Variants in OSBPL3 observed in about 807,000 individuals in gnomAD.
OSBPL3 encodes oxysterol binding protein like 3.
Under a neutral mutation model 120.1 loss-of-function variants are expected in OSBPL3, and 65 were observed. The observed-to-expected ratio is 0.54, with a 90% CI of 0.44 to 0.67. The LOEUF (loss-of-function observed/expected upper bound fraction) is 0.67. Ranked by LOEUF, OSBPL3 falls within the 30% of genes least tolerant of loss-of-function variation. OSBPL3 has a pLI of 0.00. For missense variants in OSBPL3, 1,004 were observed against 1,082.1 expected, an observed-to-expected ratio of 0.93 and a Z score of 1.01; for synonymous variants, 416 against 402.6, an observed-to-expected ratio of 1.03 and a Z score of -0.40.
In OSBPL3 at chr7:24,972,277, C is replaced by G. The variant is rs1817111714; in HGVS notation, c.-150+7609G>C. ...CTCCCACTCAGTTCTACATGGCCTCCAGCAATGGCAGAAAGACACAAAAGG... is the reference window on the plus strand; with the variant it reads ...CTCCCACTCAGTTCTACATGGCCTCGAGCAATGGCAGAAAGACACAAAAGG... On this transcript the variant is annotated intron_variant, in intron 1 of 22. Transcript: ENST00000313367. The surrounding 1 kb of genome is among the most constrained non-coding windows in gnomAD (Gnocchi z 4.3). Among the ~76,000 whole-genome samples, 1 of 152,210 alleles carries G rather than the reference C, an allele frequency of 6.6e-6. No homozygotes were observed. The highest frequency in any genetic ancestry group is 1.5e-5 in the Non-Finnish European group (1 of 68,042).
intron 1 of OSBPL3, among the ~76,000 whole-genome samples, chr7:24,943,274 C>T (rs1006998147): frequency 3.9e-5 from 6 of 152,180 alleles, no homozygotes; most frequent in Non-Finnish European, 8.8e-5. Flanking sequence ...GACCCTCTCA[C>T]TCCCCAATAC....
In OSBPL3 at chr7:24,964,716, A is replaced by G. The variant is rs1816181850; in HGVS notation, c.-150+15170T>C. The stretch of plus-strand genomic sequence containing the variant: ...TTTTAGTTATTAATACTGCAACAGT[A>G]CTGGTCTATTAATTGTGACAAAAGT... On this transcript the variant is annotated intron_variant, in intron 1 of 22. Coordinates refer to ENST00000313367, the MANE Select transcript of OSBPL3 (RefSeq NM_015550.4). This position sits in a 1 kb window ranked among gnomAD's most constrained non-coding sequence, Gnocchi z 4.2. Among the ~76,000 whole-genome samples, 1 of 152,368 alleles carries G rather than the reference A, an allele frequency of 6.6e-6. No homozygotes were observed. Among genetic ancestry groups the G allele is most frequent in the Non-Finnish European group, 1.5e-5 (1 of 68,034 alleles).
chr7:24,862,737 A>C lies in OSBPL3; in HGVS notation c.870+463T>G, dbSNP rs1205684028. On this transcript the variant is annotated intron_variant, in intron 9 of 22. Coordinates refer to ENST00000313367, the MANE Select transcript of OSBPL3 (RefSeq NM_015550.4). This position sits in a 1 kb window ranked among gnomAD's most constrained non-coding sequence, Gnocchi z 4.4. Reference sequence around the variant, plus strand: ...ATGAGGGATTGGGAGTTTGGAGATAAGAGGCCAAGGAGAATCTACACCATG... The same window carrying C: ...ATGAGGGATTGGGAGTTTGGAGATACGAGGCCAAGGAGAATCTACACCATG... Among the ~76,000 whole-genome samples, 4 of 150,958 alleles carry C rather than the reference A, an allele frequency of 2.6e-5. No homozygotes were observed. Among genetic ancestry groups the C allele is most frequent in the African/African-American group, 9.8e-5 (4 of 41,000 alleles).
At position 24,903,311 on chromosome 7, in the gene OSBPL3, A is replaced by T. The variant is rs534296492; in HGVS notation, c.-149-10690T>A. ...CAAATAATAGCCTCTAGCTCACAGA[A>T]TCAGAAAGCCACATATCAAAGATAC... is the stretch of plus-strand genomic sequence containing the variant. On this transcript the variant is annotated intron_variant, in intron 1 of 22. Coordinates refer to ENST00000313367, the MANE Select transcript of OSBPL3 (RefSeq NM_015550.4). Among the ~76,000 whole-genome samples, 2 of 152,230 alleles carry T rather than the reference A, an allele frequency of 1.3e-5. 1 individual carries two copies. Among genetic ancestry groups the T allele is most frequent in the Admixed American group, 1.3e-4 (2 of 15,286 alleles).
At chr7:24,923,113 C>T (rs1345113752) in intron 1 of OSBPL3, among the ~76,000 whole-genome samples, 1 of 152,200 alleles carries the variant, frequency 6.6e-6, no homozygotes, top group African/African-American at 2.4e-5. Context: ...CAAATCTAAT[C>T]CTAGAAGATA....
At position 24,842,269 on chromosome 7, in the gene OSBPL3, T is replaced by C. The variant is rs760466366; in HGVS notation, c.1401+10A>G. On this transcript the variant is annotated intron_variant, in intron 13 of 22. Coordinates refer to ENST00000313367, the MANE Select transcript of OSBPL3 (RefSeq NM_015550.4). ...TTTTTGAGGCACCATACTGTAAACA[T>C]TGCTCAAACCTCGTTTTCTGAAGAG... 4 of 1,612,116 alleles carry C rather than the reference T, an allele frequency of 2.5e-6. No individual in the cohort carries two copies. The highest frequency in any genetic ancestry group is 3.3e-5 in the Admixed American group (2 of 59,702).
chr7:24,802,648 T>C lies in OSBPL3; in HGVS notation c.2567+1667A>G, dbSNP rs1487700526. 6.6e-6 allele frequency among the ~76,000 whole-genome samples: 1 copy of C among 152,224 alleles called. No homozygotes were observed. The highest frequency in any genetic ancestry group is 1.5e-5 in the Non-Finnish European group (1 of 68,030). ...GTTGGATCGAGTTGGTGAATCTCCT[T>C]AACTAGTCCTTGAGACAGTTTGGTT... On this transcript the variant is annotated intron_variant, in intron 22 of 22. Transcript: ENST00000313367. The surrounding 1 kb of genome is among the most constrained non-coding windows in gnomAD (Gnocchi z 4.1).
In OSBPL3 at chr7:24,940,623, G is replaced by A. The variant is rs1812969668; in HGVS notation, c.-150+39263C>T. On this transcript the variant is annotated intron_variant, in intron 1 of 22. Transcript: ENST00000313367. This position sits in a 1 kb window ranked among gnomAD's most constrained non-coding sequence, Gnocchi z 4.4. ...GCACCAGTGTTTGGCCACTGGAGCG[G>A]GCGGCTGAGGTGGTATGGGAGGTAC... Among the ~76,000 whole-genome samples, 2 of 152,040 alleles carry A rather than the reference G, an allele frequency of 1.3e-5. No homozygotes were observed. Among genetic ancestry groups the A allele is most frequent in the South Asian group, 4.2e-4 (2 of 4,812 alleles).
intron 2 of OSBPL3, among the ~76,000 whole-genome samples, chr7:24,884,324 G>A (rs1332633939): frequency 6.6e-6 from 1 of 152,158 alleles, no homozygotes; most frequent in African/African-American, 2.4e-5. Context: ...TATTAGCCAT[G>A]GGACTCCAAA....
intron 1 of OSBPL3, among the ~76,000 whole-genome samples, chr7:24,920,961 T>C (rs970282960): frequency 4.6e-5 from 7 of 152,180 alleles, no homozygotes; most frequent in Non-Finnish European, 1.0e-4. Flanking sequence ...GACAATTATA[T>C]CCAGTAATGA....
rs1431354048 is a variant in OSBPL3, at chr7:24,867,139, T to C, written c.382-902A>G. ...TAAGAAAACAGAACAGTGCCAATTA[T>C]ATTAAGCAACAAATAAACTGAAATT... On this transcript the variant is annotated intron_variant, in intron 5 of 22. Coordinates refer to ENST00000313367, the MANE Select transcript of OSBPL3 (RefSeq NM_015550.4). This position sits in a 1 kb window ranked among gnomAD's most constrained non-coding sequence, Gnocchi z 4.5. Among the ~76,000 whole-genome samples the C allele has an allele frequency of 1.3e-5, 2 of 152,230 alleles. No individual in the cohort carries two copies. The highest frequency in any genetic ancestry group is 2.1e-4 in the South Asian group (1 of 4,834).
In OSBPL3 at chr7:24,824,676, G is replaced by C. The variant is rs536720045; in HGVS notation, c.1885-4438C>G. 2.0e-5 allele frequency among the ~76,000 whole-genome samples: 3 copies of C among 152,336 alleles called. No homozygotes were observed. In the South Asian group the frequency reaches 6.2e-4, roughly 32 times the overall value. ...CACCAAGGGTAAAAATTCTTACCCT[G>C]ATGGAATTTATATTTTAGTATGGAA... On this transcript the variant is annotated intron_variant, in intron 16 of 22. Coordinates refer to ENST00000313367, the MANE Select transcript of OSBPL3 (RefSeq NM_015550.4). This position sits in a 1 kb window ranked among gnomAD's most constrained non-coding sequence, Gnocchi z 4.9.
In OSBPL3 at chr7:24,947,646, T is replaced by C. The variant is rs915172366; in HGVS notation, c.-150+32240A>G. On this transcript the variant is annotated intron_variant, in intron 1 of 22. Transcript: ENST00000313367. The surrounding 1 kb of genome is among the most constrained non-coding windows in gnomAD (Gnocchi z 4.4). Reference sequence around the variant, plus strand: ...AAATATTGCCAAAAATATCTAGGAATCACTATTTCTGAGTAGATAGCACAG... The same window carrying C: ...AAATATTGCCAAAAATATCTAGGAACCACTATTTCTGAGTAGATAGCACAG... Among the ~76,000 whole-genome samples the C allele has an allele frequency of 5.3e-5, 8 of 152,304 alleles. No homozygotes were observed. The highest frequency in any genetic ancestry group is 4.6e-4 in the Admixed American group (7 of 15,304).
chr7:24,909,831 C>T (rs906787535), intron 1 of OSBPL3, among the ~76,000 whole-genome samples: 12 of 109,140 alleles, frequency 1.1e-4, no homozygotes, highest in Non-Finnish European at 1.9e-4. Context: ...TTGCTTTTCT[C>T]GCCCAGGCTG....
At chr7:24,980,440 C>A (rs1199368039), upstream of OSBPL3, among the ~76,000 whole-genome samples, 8 of 152,060 alleles carry the variant, frequency 5.3e-5, no homozygotes, top group East Asian at 1.6e-3. Context: ...GCGAGTCCTG[C>A]GGCGAGGCAC....
chr7:24,830,923 G>C lies in OSBPL3; in HGVS notation c.1747-18C>G, dbSNP rs143950847. Reference sequence around the variant, plus strand: ...ACATATACCTAAGGACAAGAGAAAAGAACTTTGTCATTTCCGTGTCACCAA... The same window carrying C: ...ACATATACCTAAGGACAAGAGAAAACAACTTTGTCATTTCCGTGTCACCAA... On this transcript the variant is annotated intron_variant, in intron 15 of 22. Transcript: ENST00000313367. The surrounding 1 kb of genome is among the most constrained non-coding windows in gnomAD (Gnocchi z 4.4). 1 of 1,574,744 alleles carries C rather than the reference G, an allele frequency of 6.4e-7. No individual in the cohort carries two copies. Among genetic ancestry groups the C allele is most frequent in the Non-Finnish European group, 8.6e-7 (1 of 1,165,682 alleles).
In OSBPL3 at chr7:24,834,830, C is replaced by G; in HGVS notation, c.1496-94G>C. On this transcript the variant is annotated intron_variant, in intron 14 of 22. Coordinates refer to ENST00000313367, the MANE Select transcript of OSBPL3 (RefSeq NM_015550.4). This position sits in a 1 kb window ranked among gnomAD's most constrained non-coding sequence, Gnocchi z 5.2. ...AATAAAACCTTACGTAGCAAGTAGT[C>G]AATGTTACTATTAAACTCAGTTGTT... is the stretch of plus-strand genomic sequence containing the variant. 2 of 1,129,402 alleles carry G rather than the reference C, an allele frequency of 1.8e-6. No individual in the cohort carries two copies. Among genetic ancestry groups the G allele is most frequent in the Non-Finnish European group, 2.4e-6 (2 of 816,992 alleles). The allele number at this position is 1,129,402 out of a possible 1,614,324, so 70.0% of individuals were successfully genotyped here. A position where few individuals can be genotyped will look rare whatever the true frequency, so the allele number is the denominator to read the frequency against.
chr7:24,980,444 G>A (rs1171413923), upstream of OSBPL3, among the ~76,000 whole-genome samples: 3 of 152,098 alleles, frequency 2.0e-5, no homozygotes, highest in South Asian at 2.1e-4. Flanking sequence ...GTCCTGCGGC[G>A]AGGCACTGGG....
At chr7:24,847,075 A>AAAG (rs1554362115) in intron 12 of OSBPL3, among the ~76,000 whole-genome samples, 2 of 145,284 alleles carry the variant, frequency 1.4e-5, no homozygotes, top group South Asian at 2.3e-4. Context: ...AAAAAAAAAA[A>AAAG]AAAGAAAGAA....
Sources: gnomAD v4.1 joint callset for allele counts (sites outside exome capture counted in the v4.1 genomes callset) on GRCh38, gnomAD v4.1.1 for gene constraint, Gnocchi (gnomAD v3.1) non-coding constraint, MANE v1.5 for transcripts, NCBI Gene and HGNC (gene_info 2026-07-23, HGNC 2026-07-21) for gene names.